Variants in PCCA observed in about 807,000 individuals in gnomAD.
The protein encoded by PCCA is propionyl-CoA carboxylase alpha chain, mitochondrial.
PCCA carries 74 observed loss-of-function variants against 101.3 expected under a neutral mutation model. The observed-to-expected ratio is 0.73, with a 90% CI of 0.61 to 0.89. The LOEUF (loss-of-function observed/expected upper bound fraction) is 0.89. Among genes scored for constraint, PCCA ranks in the 40% least tolerant of loss-of-function variants. The probability of loss-of-function intolerance (pLI) is 0.00; values close to 1 mark genes in which losing one functional copy is unlikely to be tolerated. For synonymous variants in PCCA, 294 were observed against 313.6 expected (o/e 0.94, Z 0.66); for missense variants, 891 against 907.0 (o/e 0.98, Z 0.23).
chr13:100,516,736 C>T (rs1399839274), intron 22 of PCCA, among the ~76,000 whole-genome samples: 5 of 144,972 alleles, frequency 3.4e-5, no homozygotes, highest in African/African-American at 1.0e-4. Context: ...AGAAAAATTA[C>T]GTGTGTGTGT....
intron 21 of PCCA, among the ~76,000 whole-genome samples, chr13:100,494,618 G>A (rs2085139034): frequency 6.6e-6 from 1 of 151,476 alleles, no homozygotes; most frequent in African/African-American, 2.4e-5. Context: ...GGGAGGCGGA[G>A]TTTGCGGTGA....
At chr13:100,453,837 A>C (rs1426063130) in intron 21 of PCCA, among the ~76,000 whole-genome samples, 7 of 152,092 alleles carry the variant, frequency 4.6e-5, no homozygotes, top group Non-Finnish European at 8.8e-5. Context: ...AAAAAAGGGA[A>C]AAAAAGAATG....
rs142881313 is a variant in PCCA at position 100,448,809 on chromosome 13, A to G, written c.1846-443A>G. On this transcript the variant is annotated intron_variant, in intron 20 of 23. Coordinates refer to ENST00000376285, the MANE Select transcript of PCCA (RefSeq NM_000282.4). Reference sequence around the variant, plus strand: ...TTTATTGAGATATAATTCACACACCATACAATTCACCCATTTAAAGTTACA... The same window carrying G: ...TTTATTGAGATATAATTCACACACCGTACAATTCACCCATTTAAAGTTACA... Among the ~76,000 whole-genome samples, 1,243 of 152,328 alleles carry G rather than the reference A, an allele frequency of 8.2e-3. 13 individuals are homozygous for G. Among genetic ancestry groups the G allele is most frequent in the African/African-American group, 0.028 (1,168 of 41,574 alleles).
chr13:100,530,009 T>G, intron 23 of PCCA, 89 bp from the exon 24 acceptor site: 1 of 1,029,220 alleles, frequency 9.7e-7, no homozygotes, highest in East Asian at 2.4e-5. Context: ...GGACTGTGCA[T>G]TTTTAGAAAT....
intron 19 of PCCA, among the ~76,000 whole-genome samples, chr13:100,409,218 C>T (rs189134186): frequency 2.6e-5 from 4 of 152,124 alleles, no homozygotes; most frequent in Admixed American, 6.5e-5. Flanking sequence ...GTTTCCTCCA[C>T]CCTCAGAAAT....
At chr13:100,335,037 A>G (rs1163492781) in intron 17 of PCCA, among the ~76,000 whole-genome samples, 1 of 152,232 alleles carries the variant, frequency 6.6e-6, no homozygotes, top group Non-Finnish European at 1.5e-5. Context: ...ATGTACAGTG[A>G]GATTATGTTC....
intron 4 of PCCA, among the ~76,000 whole-genome samples, chr13:100,152,147 C>G (rs139024655): frequency 2.0e-5 from 3 of 152,240 alleles, no homozygotes; most frequent in East Asian, 3.9e-4. Flanking sequence ...TTTGCATGGC[C>G]TTTTGCTACT....
intron 8 of PCCA, among the ~76,000 whole-genome samples, chr13:100,249,832 A>G (rs1266475560): frequency 6.6e-6 from 1 of 152,160 alleles, no homozygotes. Flanking sequence ...GTGCTAATGT[A>G]AATGTCACTA....
Position 100,486,232 on chromosome 13 carries a change from T to C in PCCA, c.1900-29195T>C, listed in dbSNP as rs182485797. Among the ~76,000 whole-genome samples, 3 of 152,324 alleles carry C rather than the reference T, an allele frequency of 2.0e-5. No individual in the cohort carries two copies. In the East Asian group the frequency reaches 5.8e-4, roughly 29 times the overall value. Reference sequence around the variant, plus strand: ...GTAATCTGAGGGTTGATGTTCTTCTTTAGTCTATCAACCAATCCCAGAGAT... The same window carrying C: ...GTAATCTGAGGGTTGATGTTCTTCTCTAGTCTATCAACCAATCCCAGAGAT... On this transcript the variant is annotated intron_variant, in intron 21 of 23. Coordinates refer to ENST00000376285, the MANE Select transcript of PCCA (RefSeq NM_000282.4).
chr13:100,417,680 C>T (rs2078466903), intron 19 of PCCA, among the ~76,000 whole-genome samples: 1 of 152,006 alleles, frequency 6.6e-6, no homozygotes, highest in South Asian at 2.1e-4. Context: ...TGTCCTCTAC[C>T]CTTCTCTGTC....
intron 11 of PCCA, among the ~76,000 whole-genome samples, chr13:100,270,669 C>T (rs1169418737): frequency 6.6e-6 from 1 of 152,062 alleles, no homozygotes; most frequent in African/African-American, 2.4e-5. Context: ...TGTATTTGTA[C>T]ACTGTGAAAT....
At chr13:100,401,184 A>T (rs2077341815) in intron 19 of PCCA, among the ~76,000 whole-genome samples, 1 of 151,426 alleles carries the variant, frequency 6.6e-6, no homozygotes, top group Non-Finnish European at 1.5e-5. Flanking sequence ...TAGATTTTTT[A>T]TAGCTTTCTA....
chr13:100,327,680 C>T (rs1014476862), intron 16 of PCCA, among the ~76,000 whole-genome samples: 1 of 152,168 alleles, frequency 6.6e-6, no homozygotes, highest in Admixed American at 6.5e-5. Context: ...TTTATATTGC[C>T]ACCACAGTGT....
At chr13:100,228,258 C>T (rs563326635) in intron 7 of PCCA, among the ~76,000 whole-genome samples, 4 of 152,226 alleles carry the variant, frequency 2.6e-5, no homozygotes, top group South Asian at 2.1e-4. Context: ...TCAGATGATC[C>T]GCCTGCCTCA....
At chr13:100,353,600 C>T (rs764204417) in intron 18 of PCCA, among the ~76,000 whole-genome samples, 3 of 152,030 alleles carry the variant, frequency 2.0e-5, no homozygotes, top group Non-Finnish European at 4.4e-5. Flanking sequence ...CATCTAAAAA[C>T]GTGTGGGCTG....
chr13:100,398,697 T>C (rs1008652504), intron 19 of PCCA, among the ~76,000 whole-genome samples: 2 of 152,126 alleles, frequency 1.3e-5, no homozygotes, highest in African/African-American at 2.4e-5. Context: ...TGAGGAAAAG[T>C]AGCAATTTAA....
Position 100,435,809 on chromosome 13 carries a change from C to T in PCCA, c.1845+10078C>T, listed in dbSNP as rs918195021. 4.6e-5 allele frequency among the ~76,000 whole-genome samples: 7 copies of T among 152,080 alleles called. No homozygotes were observed. In the East Asian group the frequency reaches 9.7e-4, roughly 21 times the overall value. ...CTGTAATCCCAGCACTTTGGGAGGC[C>T]GAGGCAGGTGGATCACCTAAGGTCA... On this transcript the variant is annotated intron_variant, in intron 20 of 23. Transcript: ENST00000376285.
intron 7 of PCCA, among the ~76,000 whole-genome samples, chr13:100,228,038 C>T (rs1160392843): frequency 2.0e-5 from 3 of 151,696 alleles, no homozygotes; most frequent in Admixed American, 6.6e-5. Context: ...TTTTTCCAGA[C>T]AGGGTCTTGC....
chr13:100,387,023 C>T (rs759839829), intron 19 of PCCA, among the ~76,000 whole-genome samples: 1 of 152,178 alleles, frequency 6.6e-6, no homozygotes, highest in African/African-American at 2.4e-5. Flanking sequence ...CAAGAAACTT[C>T]TGCAGTGACT....
Sources: gnomAD v4.1 joint callset for allele counts (sites outside exome capture counted in the v4.1 genomes callset) on GRCh38, gnomAD v4.1.1 for gene constraint, MANE v1.5 for transcripts, NCBI Gene and HGNC (gene_info 2026-07-23, HGNC 2026-07-21) for gene names.